Variants in UGT2B17 observed in about 807,000 individuals in gnomAD.
UGT2B17 encodes the protein UDP glucuronosyltransferase family 2 member B17.
In UGT2B17, 21 loss-of-function variants were observed where a neutral mutation model predicts 48.2. The ratio of observed to expected loss-of-function variants is 0.44; its 90% CI spans 0.31 to 0.63. The LOEUF (loss-of-function observed/expected upper bound fraction) is 0.63. UGT2B17 is among the 20% of genes least tolerant of loss of function. The pLI is 0.08. For synonymous variants in UGT2B17, 146 were observed against 238.4 expected (o/e 0.61, Z 3.57); for missense variants, 402 against 696.1 (o/e 0.58, Z 4.75).
At chr4:68,556,303 A>G (rs568389985) in intron 4 of UGT2B17, among the ~76,000 whole-genome samples, 1 of 122,370 alleles carries the variant, frequency 8.2e-6, no homozygotes, top group Non-Finnish European at 1.7e-5. Context: ...CTTTTCTTGC[A>G]TCTCACTGTT....
rs1255890814 is a variant in UGT2B17, at chr4:68,544,856, A to T, written c.1313+5821T>A. ...ATCAAAAGAGACAAGGCCATTACATAATGGTAAAGGGATCAATTCAACAAG... is the reference window on the plus strand; with the variant it reads ...ATCAAAAGAGACAAGGCCATTACATTATGGTAAAGGGATCAATTCAACAAG... On this transcript the variant is annotated intron_variant, in intron 6 of 6. Coordinates refer to ENST00000317746, the MANE Select transcript of UGT2B17 (RefSeq NM_001077.4). Among the ~76,000 whole-genome samples, 3 of 126,314 alleles carry T rather than the reference A, an allele frequency of 2.4e-5. 1 individual carries two copies. Among genetic ancestry groups the T allele is most frequent in the Non-Finnish European group, 5.0e-5 (3 of 59,598 alleles). The allele number at this position is 126,314 out of a possible 152,430, so 82.9% of individuals were successfully genotyped here.
chr4:68,559,996 T>G (rs1344927772), intron 4 of UGT2B17, among the ~76,000 whole-genome samples: 1 of 131,564 alleles, frequency 7.6e-6, no homozygotes, highest in African/African-American at 2.6e-5. Context: ...AGGACATTCT[T>G]TCTCTGAATG....
chr4:68,566,442 G>A (rs1731203451), intron 2 of UGT2B17, among the ~76,000 whole-genome samples: 1 of 120,282 alleles, frequency 8.3e-6, no homozygotes, highest in African/African-American at 2.9e-5. Context: ...TGTGTCGAGG[G>A]AGGGACCCAG....
At position 68,567,787 on chromosome 4, in the gene UGT2B17, C is replaced by G. The variant is rs148958723; in HGVS notation, c.698G>C (p.Trp233Ser). 879 of 1,353,444 alleles carry G rather than the reference C, an allele frequency of 6.5e-4. 203 individuals are homozygous for G. Among genetic ancestry groups the G allele is most frequent in the Non-Finnish European group, 7.5e-4 (788 of 1,045,134 alleles). The allele number at this position is 1,353,444 out of a possible 1,614,324, so 83.8% of individuals were successfully genotyped here. A position where few individuals can be genotyped will look rare whatever the true frequency, so the allele number is the denominator to read the frequency against. The change falls in exon 2 of 7, where the codon TGG becomes TCG. Residue 233 changes from tryptophan to serine, a missense_variant. Physicochemically the swap from Trp to Ser is radical, Grantham distance 177. Transcript: ENST00000317746. ...FWFQAYDLKK[W>S]DQFYSEVLGR... ...TAGAACTTCACTATAAAACTGGTCC[C>G]ACTTCTTCAGATCATATGCTTGAAA...
chr4:68,570,071 A>T (rs1731275269), intron 1 of UGT2B17, among the ~76,000 whole-genome samples: 1 of 126,532 alleles, frequency 7.9e-6, no homozygotes, highest in Non-Finnish European at 1.7e-5. Flanking sequence ...CTCTCTGTGC[A>T]TGTGTAGCAG....
intron 6 of UGT2B17, among the ~76,000 whole-genome samples, chr4:68,543,399 C>A (rs1179250839): frequency 7.9e-6 from 1 of 126,022 alleles, no homozygotes; most frequent in Non-Finnish European, 1.7e-5. Flanking sequence ...GGAAAACTAA[C>A]AAACGGAAAG....
chr4:68,561,671 T>G (rs1379898547), intron 3 of UGT2B17, among the ~76,000 whole-genome samples: 1 of 122,664 alleles, frequency 8.2e-6, no homozygotes, highest in Non-Finnish European at 1.7e-5. Flanking sequence ...TCCTGGTAAA[T>G]ATGTGTTTGC....
rs757685627 is a variant in UGT2B17 at position 68,537,679 on chromosome 4, G to A, written c.1539C>T (p.Cys513=). The A allele has an allele frequency of 1.5e-6, 2 of 1,375,956 alleles. No homozygotes were observed. The highest frequency in any genetic ancestry group is 1.9e-6 in the Non-Finnish European group (2 of 1,052,970). The allele number at this position is 1,375,956 out of a possible 1,614,324, so 85.2% of individuals were successfully genotyped here. A position where few individuals can be genotyped will look rare whatever the true frequency, so the allele number is the denominator to read the frequency against. ...ATMIFMITKC[C]LFCFRKLAKT... ...TGGCAAGCTTTCGGAAACAAAACAG[G>A]CAACATTTTGTGATCATAAATATCA... Residue 513 remains cysteine (C), a synonymous_variant, in exon 7 of 7, where the codon TGC becomes TGT. Coordinates refer to ENST00000317746, the MANE Select transcript of UGT2B17 (RefSeq NM_001077.4).
rs553325516 is a variant in UGT2B17 at position 68,576,194 on chromosome 4, T to C, written c.-308A>G. Reference sequence around the variant, plus strand: ...TCAGCCTTCCGTCAGTCACCTTGCTTCTGGGTCAGGGAGCCAAGAAATGTA... The same window carrying C: ...TCAGCCTTCCGTCAGTCACCTTGCTCCTGGGTCAGGGAGCCAAGAAATGTA... On this transcript the variant is annotated 5_prime_UTR_variant, in exon 1 of 7. Transcript: ENST00000317746. 1.0e-3 allele frequency among the ~76,000 whole-genome samples: 125 copies of C among 125,348 alleles called. 20 individuals carry two copies. Among genetic ancestry groups the C allele is most frequent in the African/African-American group, 3.4e-3 (123 of 36,490 alleles). The allele number at this position is 125,348 out of a possible 152,430, so 82.2% of individuals were successfully genotyped here. A position where few individuals can be genotyped will look rare whatever the true frequency, so the allele number is the denominator to read the frequency against.
At chr4:68,565,397 G>T (rs1322666123) in intron 3 of UGT2B17, among the ~76,000 whole-genome samples, 175 bp downstream of exon 3, 1 of 125,642 alleles carries the variant, frequency 8.0e-6, no homozygotes, top group Non-Finnish European at 1.7e-5. Context: ...GGTCTTTAAT[G>T]ATAATAACAT....
chr4:68,557,468 GA>G (rs1731023137), intron 4 of UGT2B17, among the ~76,000 whole-genome samples: 1 of 123,834 alleles, frequency 8.1e-6, no homozygotes, highest in Non-Finnish European at 1.7e-5. Flanking sequence ...TGAAATAATA[GA>G]AAACTAAAGT....
At chr4:68,571,321 G>A (rs904624043) in intron 1 of UGT2B17, among the ~76,000 whole-genome samples, 4 of 125,580 alleles carry the variant, frequency 3.2e-5, no homozygotes, top group African/African-American at 8.2e-5. Flanking sequence ...TTAATGGTGC[G>A]AATTACACAG....
chr4:68,542,796 C>T (rs1384525990), intron 6 of UGT2B17, among the ~76,000 whole-genome samples: 8 of 127,112 alleles, frequency 6.3e-5, no homozygotes, highest in Non-Finnish European at 8.4e-5. Context: ...GAGATTATAT[C>T]GCGCACCTGG....
Position 68,564,292 on chromosome 4 carries a change from A to ATTTTTT in UGT2B17, c.873+1279_873+1280insAAAAAA, listed in dbSNP as rs1341012731. Among the ~76,000 whole-genome samples the ATTTTTT allele has an allele frequency of 1.0e-3, 87 of 84,960 alleles. 2 individuals carry two copies. The highest frequency in any genetic ancestry group is 4.8e-3 in the African/African-American group (83 of 17,218). The allele number at this position is 84,960 out of a possible 152,430, so 55.7% of individuals were successfully genotyped here. ...AAATTTCATATATATATATATATAT[A>ATTTTTT]TATTTTTTTTTTTTGAGACAGAGTC... On this transcript the variant is annotated intron_variant, in intron 3 of 6. Coordinates refer to ENST00000317746, the MANE Select transcript of UGT2B17 (RefSeq NM_001077.4).
chr4:68,559,183 C>G (rs1282265330), intron 4 of UGT2B17, among the ~76,000 whole-genome samples: 1 of 124,726 alleles, frequency 8.0e-6, no homozygotes, highest in Non-Finnish European at 1.7e-5. Context: ...GTCTACTAGT[C>G]ATAAGTTATT....
chr4:68,543,835 A>T (rs964674192), intron 6 of UGT2B17, among the ~76,000 whole-genome samples: 1 of 125,962 alleles, frequency 7.9e-6, no homozygotes, highest in Admixed American at 8.2e-5. Flanking sequence ...GGTATCAGTG[A>T]TGGAAGATGA....
chr4:68,542,354 CT>C (rs1210394753), intron 6 of UGT2B17, among the ~76,000 whole-genome samples: 1 of 125,786 alleles, frequency 8.0e-6, no homozygotes, highest in Admixed American at 8.2e-5. Context: ...TATATGGGCT[CT>C]TTTTTGGTTC....
chr4:68,573,206 C>T lies in UGT2B17; in HGVS notation c.-65+2745G>A, dbSNP rs1247647956. On this transcript the variant is annotated intron_variant, in intron 1 of 6. Coordinates refer to ENST00000317746, the MANE Select transcript of UGT2B17 (RefSeq NM_001077.4). ...AGGGCCCTTGGACATGGGGGCCAGCCTTTGGAAACCCCGTCTAGTTGTTTT... is the reference window on the plus strand; with the variant it reads ...AGGGCCCTTGGACATGGGGGCCAGCTTTTGGAAACCCCGTCTAGTTGTTTT... Among the ~76,000 whole-genome samples, 20 of 127,072 alleles carry T rather than the reference C, an allele frequency of 1.6e-4. 7 individuals carry two copies. The highest frequency in any genetic ancestry group is 3.3e-4 in the Non-Finnish European group (20 of 59,768). 83.4% of individuals were successfully genotyped at this position (127,072 alleles called of 152,430 possible).
At position 68,568,122 on chromosome 4, in the gene UGT2B17, A is replaced by C. The variant is rs1731237575; in HGVS notation, c.363T>G (p.Ser121=). The part of the protein sequence containing the change: ...SQLQELCWEY[S]DYNIKLCEDA... ...CTTCACAGAGCTTTATATTATAGTC[A>C]GAATATTCCCAACACAATTCTTGTA... The change falls in exon 2 of 7, where the codon TCT becomes TCG. Residue 121 remains serine, a synonymous_variant. Transcript: ENST00000317746. The C allele has an allele frequency of 7.2e-7, 1 of 1,382,522 alleles. No homozygotes were observed. The highest frequency in any genetic ancestry group is 1.6e-5 in the South Asian group (1 of 62,234). 85.6% of individuals were successfully genotyped at this position (1,382,522 alleles called of 1,614,324 possible).
Sources: gnomAD v4.1 joint callset for allele counts (sites outside exome capture counted in the v4.1 genomes callset) on GRCh38, gnomAD v4.1.1 for gene constraint, MANE v1.5 for transcripts, NCBI Gene and HGNC (gene_info 2026-07-23, HGNC 2026-07-21) for gene names.